Variants in RAB28 observed in about 807,000 individuals in gnomAD.
RAB28 encodes the protein ras-related protein Rab-28.
In RAB28, 24 loss-of-function variants were observed where a neutral mutation model predicts 31.7. The ratio of observed to expected loss-of-function variants is 0.76; its 90% CI spans 0.55 to 1.06. RAB28 has a LOEUF of 1.06. RAB28 is among the 50% of genes least tolerant of loss of function. RAB28 has a pLI of 0.00. For synonymous variants in RAB28, 100 were observed against 90.4 expected (o/e 1.11, Z -0.60); for missense variants, 254 against 258.5 (o/e 0.98, Z 0.12).
At chr4:13,414,349 A>G (rs1343826712) in intron 4 of RAB28, among the ~76,000 whole-genome samples, 1 of 152,248 alleles carries the variant, frequency 6.6e-6, no homozygotes, top group African/African-American at 2.4e-5. Context: ...CCATGCACCC[A>G]TAATTCAAAA....
At chr4:13,374,554 C>T (rs983545341) in intron 6 of RAB28, among the ~76,000 whole-genome samples, 2 of 152,086 alleles carry the variant, frequency 1.3e-5, no homozygotes, top group African/African-American at 2.4e-5. Flanking sequence ...CCCACCATTC[C>T]CCTTTTCAGA....
chr4:13,438,544 AC>A (rs1442563187), intron 4 of RAB28, among the ~76,000 whole-genome samples: 1 of 152,106 alleles, frequency 6.6e-6, no homozygotes, highest in Non-Finnish European at 1.5e-5. Flanking sequence ...GGCCTTTTCT[AC>A]CTGGCTTCTT....
chr4:13,400,691 G>C (rs1711698115), intron 4 of RAB28, among the ~76,000 whole-genome samples: 1 of 152,130 alleles, frequency 6.6e-6, no homozygotes, highest in African/African-American at 2.4e-5. Flanking sequence ...GACATTAATT[G>C]TAGGGTTTTC....
intron 4 of RAB28, among the ~76,000 whole-genome samples, chr4:13,383,814 A>G (rs1026615848): frequency 5.9e-5 from 9 of 152,204 alleles, no homozygotes; most frequent in African/African-American, 1.9e-4. Flanking sequence ...GTGCTCCCAC[A>G]GGAGATTTTA....
rs545574952 is a variant in RAB28 at position 13,474,663 on chromosome 4, AAAGT to A, written c.173-261_173-258del. ...AATCACCTTCAAAACAAAAGAAAAT[AAAGT>A]AAGCTTTAATTTGTAAACTTAAGCC... On this transcript the variant is annotated intron_variant, in intron 2 of 6. Transcript: ENST00000330852. 4.6e-3 allele frequency among the ~76,000 whole-genome samples: 693 copies of A among 151,778 alleles called. 6 individuals carry two copies. Among genetic ancestry groups the A allele is most frequent in the African/African-American group, 0.016 (661 of 41,512 alleles).
chr4:13,468,611 T>C (rs900777757), intron 3 of RAB28, among the ~76,000 whole-genome samples: 1 of 151,484 alleles, frequency 6.6e-6, no homozygotes, highest in Non-Finnish European at 1.5e-5. Context: ...AATGCATATA[T>C]TAGAAAAGCA....
rs1044400821 is a variant in RAB28 at position 13,418,627 on chromosome 4, C to G, written c.392-37033G>C. 3.9e-5 allele frequency among the ~76,000 whole-genome samples: 6 copies of G among 152,126 alleles called. No homozygotes were observed. The East Asian group carries it at 9.6e-4, about 24-fold the overall frequency. On this transcript the variant is annotated intron_variant, in intron 4 of 6. Transcript: ENST00000330852. ...ATTCTTAAAGAAAAGAATTTTCAAC[C>G]CAGAATTTCATATCCAGCCAAACTA...
At chr4:13,377,919 A>G (rs1728984121) in intron 5 of RAB28, among the ~76,000 whole-genome samples, 1 of 152,194 alleles carries the variant, frequency 6.6e-6, no homozygotes, top group Non-Finnish European at 1.5e-5. Context: ...TTTTGGCCTG[A>G]GCAACTGGTA....
At chr4:13,446,049 T>C (rs1240870308) in intron 4 of RAB28, among the ~76,000 whole-genome samples, 1 of 152,150 alleles carries the variant, frequency 6.6e-6, no homozygotes, top group African/African-American at 2.4e-5. Context: ...GCTGCTGGAT[T>C]TCCTGCAGAG....
At chr4:13,426,247 G>C (rs7697662) in intron 4 of RAB28, among the ~76,000 whole-genome samples, 8,538 of 152,144 alleles carry the variant, frequency 0.056, 549 homozygotes, top group African/African-American at 0.16. Flanking sequence ...CTGAGGAAGG[G>C]AGGGCAAAAA....
At chr4:13,396,897 A>G (rs533113979) in intron 4 of RAB28, among the ~76,000 whole-genome samples, 2 of 152,186 alleles carry the variant, frequency 1.3e-5, no homozygotes, top group East Asian at 3.9e-4. Flanking sequence ...AGAAATTAAG[A>G]CTTTATGAAG....
intron 4 of RAB28, among the ~76,000 whole-genome samples, chr4:13,390,314 C>T (rs898954482): frequency 8.6e-5 from 13 of 151,756 alleles, no homozygotes; most frequent in African/African-American, 3.1e-4. Context: ...ACAATTACTA[C>T]AAAGAGAATA....
At chr4:13,439,432 G>A (rs1463170691) in intron 4 of RAB28, among the ~76,000 whole-genome samples, 3 of 151,320 alleles carry the variant, frequency 2.0e-5, no homozygotes, top group African/African-American at 7.4e-5. Context: ...TCGGCTCAAC[G>A]CAACCTCCAC....
In RAB28 at chr4:13,378,270, A is replaced by G. The variant is rs527868319; in HGVS notation, c.496-1648T>C. ...TGTATCCTGGAAGCTAAGTGCAGAG[A>G]GTATTTCAAAGAGACGAGAGTGATC... On this transcript the variant is annotated intron_variant, in intron 5 of 6. Transcript: ENST00000330852. Among the ~76,000 whole-genome samples the G allele has an allele frequency of 2.6e-5, 4 of 152,186 alleles. 1 individual carries two copies. Among genetic ancestry groups the G allele is most frequent in the Non-Finnish European group, 5.9e-5 (4 of 68,020 alleles).
intron 3 of RAB28, among the ~76,000 whole-genome samples, chr4:13,464,492 G>A (rs1577239720): frequency 6.6e-6 from 1 of 151,930 alleles, no homozygotes; most frequent in East Asian, 1.9e-4. Context: ...GCCCACTAAA[G>A]ACTAAAACTT....
intron 3 of RAB28, among the ~76,000 whole-genome samples, chr4:13,470,093 C>T (rs1439813967): frequency 6.6e-6 from 1 of 152,072 alleles, no homozygotes; most frequent in Admixed American, 6.6e-5. Flanking sequence ...ACTAAATAAA[C>T]ACAGTACACA....
intron 4 of RAB28, among the ~76,000 whole-genome samples, chr4:13,420,750 C>T (rs545710333): frequency 7.2e-5 from 11 of 152,168 alleles, no homozygotes; most frequent in African/African-American, 1.4e-4. Context: ...ATTAATGGAA[C>T]GTATCTCAAA....
At chr4:13,385,471 C>A (rs1729327858) in intron 4 of RAB28, among the ~76,000 whole-genome samples, 1 of 152,098 alleles carries the variant, frequency 6.6e-6, no homozygotes, top group African/African-American at 2.4e-5. Flanking sequence ...AGGTCACATA[C>A]AAAGGGAAGC....
At chr4:13,483,171 A>G (rs1716689722) in intron 1 of RAB28, among the ~76,000 whole-genome samples, 1 of 152,024 alleles carries the variant, frequency 6.6e-6, no homozygotes, top group South Asian at 2.1e-4. Context: ...GATCTTATGG[A>G]CCCTCTCCCC....
Sources: allele counts gnomAD v4.1 joint callset (sites outside exome capture counted in the v4.1 genomes callset), GRCh38; gene constraint gnomAD v4.1.1; transcripts MANE v1.5; gene names NCBI Gene and HGNC (gene_info 2026-07-23, HGNC 2026-07-21).